Variants in HYI observed in about 807,000 individuals in gnomAD.
HYI encodes hydroxypyruvate isomerase (putative), also known as putative hydroxypyruvate isomerase.
Under a neutral mutation model 39.7 loss-of-function variants are expected in HYI, and 47 were observed. That is an observed-to-expected ratio of 1.18 (90% CI 0.94 to 1.51). The LOEUF (loss-of-function observed/expected upper bound fraction) is 1.51, where lower values mean the gene tolerates loss of function less well. Ranked by LOEUF, HYI falls within the 40% of genes most tolerant of loss-of-function variation. The pLI, the probability that HYI is intolerant of heterozygous loss-of-function variation, is 0.00. For missense variants in HYI, 465 were observed against 370.3 expected, an observed-to-expected ratio of 1.26 and a Z score of -2.10; for synonymous variants, 186 against 158.8, an observed-to-expected ratio of 1.17 and a Z score of -1.29.
intron 5 of HYI, 30 bp from the exon 6 acceptor site, chr1:43,451,747 C>T (rs372777891): frequency 7.7e-5 from 125 of 1,613,604 alleles, no homozygotes; most frequent in Non-Finnish European, 9.9e-5. Context: ...ATTCCGAGAC[C>T]CCGCAGGCCC....
At chr1:43,453,241 C>A (rs1230429909) in intron 2 of HYI, 145 bp downstream of exon 2, 2 of 648,390 alleles carry the variant, frequency 3.1e-6, no homozygotes, top group South Asian at 1.9e-5. Context: ...ATACAAAAGG[C>A]AATTTACAAA....
rs1415091303 is a variant in HYI, at chr1:43,451,392, C to T, written c.760+18G>A. ...TCCGGGTCCCTCCAGAGCTCCCTTC[C>T]CCAGGGCCACGCCTCACCTCGAGGC... On this transcript the variant is annotated intron_variant, in intron 7 of 7. Coordinates refer to ENST00000372430, the MANE Select transcript of HYI (RefSeq NM_001190880.3). 1.2e-6 allele frequency: 2 copies of T among 1,612,042 alleles called. No individual in the cohort carries two copies. The highest frequency in any genetic ancestry group is 3.3e-5 in the Admixed American group (2 of 60,028).
chr1:43,452,339 G>A lies in HYI; in HGVS notation c.312-20C>T, dbSNP rs1240370737. 1.9e-6 allele frequency: 3 copies of A among 1,592,340 alleles called. No individual in the cohort carries two copies. In the Admixed American group the frequency reaches 5.0e-5, roughly 27 times the overall value. The stretch of plus-strand genomic sequence containing the variant: ...TGGATCCTGTGGGGAAGATGGACTG[G>A]AGGCCTTGCCTCCCTTGGCTCTCTC... On this transcript the variant is annotated intron_variant, in intron 2 of 7. Coordinates refer to ENST00000372430, the MANE Select transcript of HYI (RefSeq NM_001190880.3).
At position 43,452,086 on chromosome 1, in the gene HYI, G is replaced by A. The variant is rs2153938035; in HGVS notation, c.427-73C>T. On this transcript the variant is annotated intron_variant, in intron 3 of 7. Transcript: ENST00000372430. Reference sequence around the variant, plus strand: ...CCCCCATCAGTCAGTCACTGGTCAAGGCCCTCACCTGTTCCTCTGACCTAG... The same window carrying A: ...CCCCCATCAGTCAGTCACTGGTCAAAGCCCTCACCTGTTCCTCTGACCTAG... The A allele has an allele frequency of 2.6e-6, 4 of 1,527,806 alleles. No individual in the cohort carries two copies. In the East Asian group the frequency reaches 6.8e-5, roughly 26 times the overall value. The allele number at this position is 1,527,806 out of a possible 1,614,324, so 94.6% of individuals were successfully genotyped here.
In HYI at chr1:43,451,975, G is replaced by T. The variant is rs1295988230; in HGVS notation, c.465C>A (p.Arg155=). Residue 155 remains arginine, a synonymous_variant, in exon 4 of 8, where the codon CGC becomes CGA. Coordinates refer to ENST00000372430, the MANE Select transcript of HYI (RefSeq NM_001190880.3). ...LVGLLEPINT[R]ITDPQYFLDT... ...CCAGGAAGTACTGGGGGTCAGTGAT[G>T]CGGGTGTTGATGGGCTCCAGCAGTC... The T allele has an allele frequency of 6.2e-7, 1 of 1,611,616 alleles. No individual in the cohort carries two copies. Among genetic ancestry groups the T allele is most frequent in the Admixed American group, 1.7e-5 (1 of 59,934 alleles).
Position 43,453,505 on chromosome 1 carries a change from G to C in HYI, c.200-8C>G, listed in dbSNP as rs1392475851. 1.3e-6 allele frequency: 2 copies of C among 1,546,984 alleles called. No homozygotes were observed. Among genetic ancestry groups the C allele is most frequent in the African/African-American group, 2.7e-5 (2 of 73,010 alleles). On this transcript the variant is annotated splice_polypyrimidine_tract_variant and splice_region_variant and intron_variant, in intron 1 of 7. Transcript: ENST00000372430. ...CCCCCTTCTCTTGGTCTCCTGCAGA[G>C]AGAACGGGCCTCAGCCCCCGGCTCG...
chr1:43,453,801 G>T lies in HYI; in HGVS notation c.-8C>A. The T allele has an allele frequency of 7.9e-7, 1 of 1,264,110 alleles. No individual in the cohort carries two copies. The highest frequency in any genetic ancestry group is 9.9e-7 in the Non-Finnish European group (1 of 1,007,550). 78.3% of individuals were successfully genotyped at this position (1,264,110 alleles called of 1,614,324 possible). ...GAAGCGCAGCGGCGCCATGCCTGGGGAGGCCGGGCCGGGCGGAGTCCGCGG... is the reference window on the plus strand; with the variant it reads ...GAAGCGCAGCGGCGCCATGCCTGGGTAGGCCGGGCCGGGCGGAGTCCGCGG... On this transcript the variant is annotated 5_prime_UTR_variant, in exon 1 of 8. Coordinates refer to ENST00000372430, the MANE Select transcript of HYI (RefSeq NM_001190880.3).
chr1:43,451,515 G>T lies in HYI; in HGVS notation c.655C>A (p.Arg219=), dbSNP rs770291655. ...TCTCCGGGGCTGCTGGGCTCCCCTC[G>T]GCCTGGGACCTGTGCCACCTGCACA... ...GHVQVAQVPG[R]GEPSSPGELN... is the part of the protein sequence containing the mutation. The change falls in exon 7 of 8, where the codon CGA becomes AGA. Residue 219 remains arginine (R), a synonymous_variant. Transcript: ENST00000372430. 7 of 1,613,956 alleles carry T rather than the reference G, an allele frequency of 4.3e-6. No individual in the cohort carries two copies. The African/African-American group carries it at 9.3e-5, about 22-fold the overall frequency.
At chr1:43,451,755 C>G in intron 5 of HYI, 38 bp from the exon 6 acceptor site, 3 of 1,613,804 alleles carry the variant, frequency 1.9e-6, no homozygotes, top group Non-Finnish European at 2.5e-6. Context: ...ACCCCGCAGG[C>G]CCCGCCCTCC....
Position 43,451,555 on chromosome 1 carries a change from A to C in HYI, c.626-11T>G. On this transcript the variant is annotated splice_polypyrimidine_tract_variant and intron_variant, in intron 6 of 7. Coordinates refer to ENST00000372430, the MANE Select transcript of HYI (RefSeq NM_001190880.3). ...CCACCTGCACATGCCCTGGGGACAGATGTGGACAAATGTGGGGTCCAGGCT... is the reference window on the plus strand; with the variant it reads ...CCACCTGCACATGCCCTGGGGACAGCTGTGGACAAATGTGGGGTCCAGGCT... The C allele has an allele frequency of 6.2e-7, 1 of 1,613,524 alleles. No individual in the cohort carries two copies. Among genetic ancestry groups the C allele is most frequent in the Non-Finnish European group, 8.5e-7 (1 of 1,179,636 alleles).
chr1:43,453,382 G>T lies in HYI; in HGVS notation c.311+4C>A. On this transcript the variant is annotated splice_donor_region_variant and intron_variant, in intron 2 of 7. Coordinates refer to ENST00000372430, the MANE Select transcript of HYI (RefSeq NM_001190880.3). ...AGGGGTGGGGGTGGGGTGGAGCGGGGTACCTGGGACAGCCCAGGGCTTTGG... is the reference window on the plus strand; with the variant it reads ...AGGGGTGGGGGTGGGGTGGAGCGGGTTACCTGGGACAGCCCAGGGCTTTGG... 6.5e-7 allele frequency: 1 copy of T among 1,540,528 alleles called. No individual in the cohort carries two copies. The highest frequency in any genetic ancestry group is 8.8e-7 in the Non-Finnish European group (1 of 1,137,878).
In HYI at chr1:43,453,703, C is replaced by T. The variant is rs1381728585; in HGVS notation, c.91G>A (p.Gly31Ser). The T allele has an allele frequency of 7.0e-7, 1 of 1,421,664 alleles. No homozygotes were observed. Among genetic ancestry groups the T allele is most frequent in the East Asian group, 3.0e-5 (1 of 33,346 alleles). 88.1% of individuals were successfully genotyped at this position (1,421,664 alleles called of 1,614,324 possible). Residue 31 changes from glycine to serine, a missense_variant, in exon 1 of 8, where the codon GGC becomes AGC. Coordinates refer to ENST00000372430, the MANE Select transcript of HYI (RefSeq NM_001190880.3). ...CAGGCCACCTCGACGGCCTCGAAGC[C>T]CGAGCTGCCCGCGGCCCGCACCCGC... ...PARVRAAGSS[G>S]FEAVEVAWPY...
In HYI at chr1:43,453,116, A is replaced by G. The variant is rs769493422; in HGVS notation, c.311+270T>C. 3.6e-4 allele frequency: 263 copies of G among 727,468 alleles called. 2 individuals carry two copies. In the Middle Eastern group the frequency reaches 0.017, roughly 48 times the overall value. 45.1% of individuals were successfully genotyped at this position (727,468 alleles called of 1,614,324 possible). ...CTGGAATAGGCCTGTCCTCAAATGC[A>G]TCACTGTATATATTTACTCTCCTAT... On this transcript the variant is annotated intron_variant, in intron 2 of 7. Transcript: ENST00000372430.
In HYI at chr1:43,453,856, G is replaced by T. The variant is rs926712112; in HGVS notation, c.-63C>A. ...CAAAGGCGGCGGGCGGCGGGCGGCG[G>T]GCGGCGGGCGGGGGCGGGGCTCTCC... On this transcript the variant is annotated 5_prime_UTR_variant, in exon 1 of 8. Coordinates refer to ENST00000372430, the MANE Select transcript of HYI (RefSeq NM_001190880.3). 4.1e-5 allele frequency: 51 copies of T among 1,231,640 alleles called. No homozygotes were observed. In the African/African-American group the frequency reaches 7.1e-4, roughly 17 times the overall value. The allele number at this position is 1,231,640 out of a possible 1,614,324, so 76.3% of individuals were successfully genotyped here.
intron 3 of HYI, 30 bp from the exon 4 acceptor site, chr1:43,452,043 G>T (rs757239031): frequency 3.8e-6 from 6 of 1,585,898 alleles, no homozygotes; most frequent in Admixed American, 1.7e-5. Flanking sequence ...TGTGAATAGA[G>T]CTCCTTCCCA....
rs367869584 is a variant in HYI at position 43,451,976 on chromosome 1, C to T, written c.464G>A (p.Arg155His). The part of the protein sequence containing the change: ...LVGLLEPINT[R>H]ITDPQYFLDT... ...CAGGAAGTACTGGGGGTCAGTGATG[C>T]GGGTGTTGATGGGCTCCAGCAGTCC... The change falls in exon 4 of 8, where the codon CGC (arginine) becomes CAC (histidine). Residue 155 changes from arginine (R) to histidine (H), a missense_variant. Coordinates refer to ENST00000372430, the MANE Select transcript of HYI (RefSeq NM_001190880.3). 78 of 1,611,076 alleles carry T rather than the reference C, an allele frequency of 4.8e-5. No homozygotes were observed. The highest frequency in any genetic ancestry group is 6.1e-5 in the Non-Finnish European group (72 of 1,178,110).
At chr1:43,453,137 C>T (rs1656622804) in intron 2 of HYI, 4 of 691,148 alleles carry the variant, frequency 5.8e-6, no homozygotes, top group South Asian at 3.4e-5. Flanking sequence ...TATTTACTCT[C>T]CTATCTGCCT....
Position 43,451,260 on chromosome 1 carries a change from C to A in HYI, c.812G>T (p.Gly271Val), listed in dbSNP as rs537137556. The change falls in exon 8 of 8, where the codon GGC (glycine) becomes GTC (valine). Residue 271 changes from glycine to valine, a missense_variant. Physicochemically the swap from Gly to Val is moderately radical, Grantham distance 109. Coordinates refer to ENST00000372430, the MANE Select transcript of HYI (RefSeq NM_001190880.3). ...CCCTCACTGGCCAGCCTCTGGGTGGCCCCGCCTATCCCAGTATGAACGTAG... is the reference window on the plus strand; with the variant it reads ...CCCTCACTGGCCAGCCTCTGGGTGGACCCGCCTATCCCAGTATGAACGTAG... ...SWLRSYWDRRGHPEAGQ is the reference protein window; with the variant it reads ...SWLRSYWDRRVHPEAGQ The A allele has an allele frequency of 8.2e-5, 133 of 1,614,032 alleles. 1 individual carries two copies. In the East Asian group the frequency reaches 2.8e-3, roughly 34 times the overall value.
At chr1:43,452,749 C>A in intron 2 of HYI, 2 of 734,910 alleles carry the variant, frequency 2.7e-6, no homozygotes, top group Admixed American at 4.4e-5. Context: ...TCCCCTCTTG[C>A]CAGTTCCTTC....
Sources: gnomAD v4.1 joint callset for allele counts on GRCh38, gnomAD v4.1.1 for gene constraint, MANE v1.5 for transcripts, NCBI Gene and HGNC (gene_info 2026-07-23, HGNC 2026-07-21) for gene names.